The following WARS1 variants were observed in gnomAD, a reference collection of about 807,000 sequenced individuals.
WARS1 encodes the protein tryptophan--tRNA ligase, cytoplasmic.
In WARS1, 17 loss-of-function variants were observed where a neutral mutation model predicts 47.8. The observed-to-expected ratio is 0.36, with a 90% CI of 0.24 to 0.53. The LOEUF (loss-of-function observed/expected upper bound fraction) is 0.53, where lower values mean the gene tolerates loss of function less well. WARS1 is among the 20% of genes least tolerant of loss of function. The pLI is 0.91. For synonymous variants in WARS1, 208 were observed against 228.1 expected, an observed-to-expected ratio of 0.91 and a Z score of 0.79; for missense variants, 434 against 608.0, an observed-to-expected ratio of 0.71 and a Z score of 3.01.
chr14:100,361,720 C>T lies in WARS1; in HGVS notation c.301G>A (p.Asp101Asn), dbSNP rs771708813. ...QTSSAKGIDY[D>N]KLIVRFGSSK... ...GCAGAGGACGTACCAATGAGCTTAT[C>T]GTAGTCTATGCCTTTTGCACTGCTT... The change falls in exon 3 of 11, where the codon GAT becomes AAT. Residue 101 changes from aspartate to asparagine, a missense_variant. Asp to Asn is a conservative substitution (Grantham distance 23). This residue lies in a region of WARS1 where 347 missense variants were observed against 523.8 expected (regional missense o/e 0.66). Coordinates refer to ENST00000392882, the MANE Select transcript of WARS1 (RefSeq NM_004184.4). The T allele has an allele frequency of 2.2e-5, 35 of 1,614,028 alleles. No individual in the cohort carries two copies. Among genetic ancestry groups the T allele is most frequent in the Non-Finnish European group, 2.7e-5 (32 of 1,180,026 alleles).
Position 100,350,929 on chromosome 14 carries a change from G to T in WARS1, c.725+2758C>A, listed in dbSNP as rs77409493. ...AGAAAGTGTAGGAATTAGCTAAGCT[G>T]GGGGTGGCAGGGTCAGGAGAGTGGG... On this transcript the variant is annotated intron_variant, in intron 6 of 10. Transcript: ENST00000392882. 3.9e-3 allele frequency among the ~76,000 whole-genome samples: 588 copies of T among 152,274 alleles called. 20 individuals carry two copies. In the East Asian group the frequency reaches 0.079, roughly 21 times the overall value.
At chr14:100,369,042 G>C (rs201289945) in intron 2 of WARS1, 45 bp downstream of exon 2, 2 of 1,415,518 alleles carry the variant, frequency 1.4e-6, no homozygotes, top group African/African-American at 2.9e-5. Context: ...CTACAGACTT[G>C]GGAGGCTCAG....
At position 100,347,093 on chromosome 14, in the gene WARS1, C is replaced by T. The variant is rs732626; in HGVS notation, c.726-247G>A. On this transcript the variant is annotated intron_variant, in intron 6 of 10. Coordinates refer to ENST00000392882, the MANE Select transcript of WARS1 (RefSeq NM_004184.4). ...GGAAAGGCAGAAACCAGTGTGAAAC[C>T]GACGTGAAGCAGACATACAAACAAG... 0.029 allele frequency among the ~76,000 whole-genome samples: 4,350 copies of T among 152,248 alleles called. 204 individuals carry two copies. Among genetic ancestry groups the T allele is most frequent in the African/African-American group, 0.099 (4,108 of 41,528 alleles).
chr14:100,352,720 G>A (rs1299865414), intron 6 of WARS1, among the ~76,000 whole-genome samples: 1 of 152,154 alleles, frequency 6.6e-6, no homozygotes, highest in African/African-American at 2.4e-5. Flanking sequence ...CGCCTTAGGG[G>A]AGTACTATGA....
At chr14:100,348,482 T>C (rs1894769851) in intron 6 of WARS1, among the ~76,000 whole-genome samples, 1 of 152,144 alleles carries the variant, frequency 6.6e-6, no homozygotes, top group Non-Finnish European at 1.5e-5. Flanking sequence ...TGAAGGGGCA[T>C]GCCAGGAGAA....
At chr14:100,366,886 C>T in intron 2 of WARS1, 9 of 1,608,718 alleles carry the variant, frequency 5.6e-6, no homozygotes, top group Non-Finnish European at 7.7e-6. Flanking sequence ...CTGAATATTA[C>T]CTGGAGTCCC....
At chr14:100,341,505 A>G (rs1297574897) in intron 9 of WARS1, among the ~76,000 whole-genome samples, 2 of 152,196 alleles carry the variant, frequency 1.3e-5, no homozygotes, top group Non-Finnish European at 2.9e-5. Context: ...ACATGCCTCA[A>G]ATACAGTTCC....
rs142935336 is a variant in WARS1, at chr14:100,347,777, A to G, written c.726-931T>C. 3.4e-4 allele frequency among the ~76,000 whole-genome samples: 52 copies of G among 152,236 alleles called. 1 individual carries two copies. The East Asian group carries it at 7.9e-3, about 23-fold the overall frequency. On this transcript the variant is annotated intron_variant, in intron 6 of 10. Coordinates refer to ENST00000392882, the MANE Select transcript of WARS1 (RefSeq NM_004184.4). ...TTTTTAGTAGAGATGGGGTTTCACC[A>G]TGTTGTCCAGGCTGGTCTCAAACTC...
intron 10 of WARS1, 70 bp downstream of exon 10, chr14:100,336,992 G>A: frequency 6.4e-7 from 1 of 1,570,360 alleles, no homozygotes; most frequent in Non-Finnish European, 8.7e-7. Context: ...GGCTGTTGGA[G>A]CCTTCCAGGC....
At chr14:100,352,104 CTTTCTTTTT>C (rs1895024924) in intron 6 of WARS1, among the ~76,000 whole-genome samples, 2 of 101,554 alleles carry the variant, frequency 2.0e-5, no homozygotes, top group African/African-American at 6.6e-5. Flanking sequence ...TACTCAGTTT[CTTTCTTTTT>C]TTTTTTTTTT....
intron 2 of WARS1, chr14:100,365,923 G>T: frequency 2.3e-6 from 1 of 433,744 alleles, no homozygotes. Context: ...ATCACCCAAA[G>T]GTTCGGGCCT....
chr14:100,356,192 G>A (rs1475782183), intron 4 of WARS1, among the ~76,000 whole-genome samples: 5 of 152,136 alleles, frequency 3.3e-5, no homozygotes, highest in African/African-American at 1.2e-4. Context: ...TTAGACAGAG[G>A]GGCAGTTTGA....
At chr14:100,344,642 G>A (rs1315015214) in intron 7 of WARS1, among the ~76,000 whole-genome samples, 3 of 150,192 alleles carry the variant, frequency 2.0e-5, no homozygotes, top group Non-Finnish European at 2.9e-5. Flanking sequence ...AGTGAGGAGC[G>A]CCTCTTCCCG....
chr14:100,374,712 G>A (rs1202414985), intron 1 of WARS1: 1 of 152,198 alleles, frequency 6.6e-6, no homozygotes, highest in Non-Finnish European at 1.5e-5. Context: ...TGGATCCCTG[G>A]AATACCACCA....
rs74085075 is a variant in WARS1 at position 100,342,473 on chromosome 14, G to C, written c.1038C>G (p.Ala346=). Residue 346 remains alanine (A), a synonymous_variant, in exon 9 of 11, where the codon GCC becomes GCG. Transcript: ENST00000392882. ...GGTCGCTGGCACTCATTTTGGTCTG[G>C]GCGCCCTGCAGGGCTGGGAAGAAGG... The part of the protein sequence containing the change: ...HSTFFPALQG[A]QTKMSASDPN... The C allele has an allele frequency of 3.3e-4, 536 of 1,614,086 alleles. 5 individuals are homozygous for C. The African/African-American group carries it at 6.0e-3, about 18-fold the overall frequency.
chr14:100,343,278 G>A lies in WARS1; in HGVS notation c.936C>T (p.Asp312=), dbSNP rs1894297891. Residue 312 remains aspartate, a synonymous_variant, in exon 8 of 11, where the codon GAC becomes GAT. Coordinates refer to ENST00000392882, the MANE Select transcript of WARS1 (RefSeq NM_004184.4). ...DIQCLIPCAI[D]QDPYFRMTRD... is the part of the protein sequence containing the mutation. The stretch of plus-strand genomic sequence containing the variant: ...CCTTGCTTTTCTGCCTGCTGACCTG[G>A]TCAATGGCACATGGGATAAGGCACT... The A allele has an allele frequency of 6.2e-7, 1 of 1,610,936 alleles. No individual in the cohort carries two copies. The highest frequency in any genetic ancestry group is 8.5e-7 in the Non-Finnish European group (1 of 1,178,208).
intron 6 of WARS1, among the ~76,000 whole-genome samples, chr14:100,351,115 T>C (rs2082420835): frequency 6.6e-6 from 1 of 152,010 alleles, no homozygotes; most frequent in African/African-American, 2.4e-5. Flanking sequence ...CAATGTCATC[T>C]AAGGAGGAGA....
Position 100,369,208 on chromosome 14 carries a change from C to T in WARS1, c.-23G>A, listed in dbSNP as rs541589724. The T allele has an allele frequency of 3.4e-5, 42 of 1,230,864 alleles. No homozygotes were observed. In the South Asian group the frequency reaches 3.6e-4, roughly 10 times the overall value. The allele number at this position is 1,230,864 out of a possible 1,614,324, so 76.2% of individuals were successfully genotyped here. A position where few individuals can be genotyped will look rare whatever the true frequency, so the allele number is the denominator to read the frequency against. ...CATGTTTGCTATCTCTCAGGAACTA[C>T]GTTCACAGCCGGCCTGAGGTCAGAG... On this transcript the variant is annotated 5_prime_UTR_variant, in exon 2 of 11. Coordinates refer to ENST00000392882, the MANE Select transcript of WARS1 (RefSeq NM_004184.4).
At chr14:100,350,348 T>C (rs1252260255) in intron 6 of WARS1, among the ~76,000 whole-genome samples, 1 of 135,832 alleles carries the variant, frequency 7.4e-6, no homozygotes. Flanking sequence ...GCCGAGATCA[T>C]GCCACTGCTC....
Sources: allele counts gnomAD v4.1 joint callset (sites outside exome capture counted in the v4.1 genomes callset), GRCh38; gene constraint gnomAD v4.1.1; regional missense constraint gnomAD v4.1.1; transcripts MANE v1.5; gene names NCBI Gene and HGNC (gene_info 2026-07-23, HGNC 2026-07-21).